Variants in LRRFIP1 observed in about 807,000 individuals in gnomAD.
LRRFIP1 encodes LRR binding FLII interacting protein 1.
Under a neutral mutation model 104.4 loss-of-function variants are expected in LRRFIP1, and 62 were observed. The ratio of observed to expected loss-of-function variants is 0.59; its 90% CI spans 0.48 to 0.73. The LOEUF is 0.73. Among genes scored for constraint, LRRFIP1 ranks in the 30% least tolerant of loss-of-function variants. LRRFIP1 has a pLI of 0.00. For missense variants in LRRFIP1, 796 were observed against 824.5 expected, an observed-to-expected ratio of 0.97 and a Z score of 0.42; for synonymous variants, 300 against 299.0, an observed-to-expected ratio of 1.00 and a Z score of -0.03.
chr2:237,749,061 C>A, intron 12 of LRRFIP1, 138 bp from the exon 13 acceptor site: 1 of 807,864 alleles, frequency 1.2e-6, no homozygotes, highest in Non-Finnish European at 1.9e-6. Flanking sequence ...ATGGGGGAAA[C>A]TGCCCCCGTG....
Position 237,691,695 on chromosome 2 carries a change from C to T in LRRFIP1, c.97-16849C>T, listed in dbSNP as rs557211185. Among the ~76,000 whole-genome samples the T allele has an allele frequency of 2.0e-5, 3 of 152,036 alleles. No individual in the cohort carries two copies. Among genetic ancestry groups the T allele is most frequent in the South Asian group, 2.1e-4 (1 of 4,828 alleles). ...GCCCAGCCCCGGGCAGGTCCCCCCC[C>T]GGAGGGGACCCCCTCTTCGGGTCGA... On this transcript the variant is annotated intron_variant, in intron 1 of 23. Coordinates refer to ENST00000308482, the MANE Select transcript of LRRFIP1 (RefSeq NM_001137550.2). This position sits in a 1 kb window ranked among gnomAD's most constrained non-coding sequence, Gnocchi z 5.4.
At chr2:237,689,051 G>C (rs1475547708) in intron 1 of LRRFIP1, among the ~76,000 whole-genome samples, 1 of 130,562 alleles carries the variant, frequency 7.7e-6, no homozygotes. Flanking sequence ...GCTCTACGTT[G>C]AAAAAAAAAA....
At chr2:237,741,163 G>A (rs2095405282) in intron 11 of LRRFIP1, among the ~76,000 whole-genome samples, 1 of 152,222 alleles carries the variant, frequency 6.6e-6, no homozygotes, top group African/African-American at 2.4e-5. Context: ...GCAAACTCCA[G>A]GGGCACACCG....
At chr2:237,681,729 G>GAGTGC (rs1215227182) in intron 1 of LRRFIP1, among the ~76,000 whole-genome samples, 1 of 111,254 alleles carries the variant, frequency 9.0e-6, no homozygotes, top group Non-Finnish European at 1.8e-5. Context: ...GCCCAGGCTG[G>GAGTGC]AGTGCAGTGG....
Position 237,661,966 on chromosome 2 carries a change from G to T in LRRFIP1, c.96+34226G>T, listed in dbSNP as rs2088072587. 6.6e-6 allele frequency among the ~76,000 whole-genome samples: 1 copy of T among 152,226 alleles called. No individual in the cohort carries two copies. The highest frequency in any genetic ancestry group is 2.1e-4 in the South Asian group (1 of 4,834). ...CATGACAGCATGCAGGTGTTGGTCT[G>T]TAGGGATGCCATAACAAAGTGCCAC... On this transcript the variant is annotated intron_variant, in intron 1 of 23. Transcript: ENST00000308482. This position sits in a 1 kb window ranked among gnomAD's most constrained non-coding sequence, Gnocchi z 4.4.
At chr2:237,752,342 G>T (rs556787424) in intron 14 of LRRFIP1, among the ~76,000 whole-genome samples, 1 of 152,214 alleles carries the variant, frequency 6.6e-6, no homozygotes, top group African/African-American at 2.4e-5. Context: ...GCAGGTGGAG[G>T]CTGCAGTGAG....
intron 13 of LRRFIP1, 38 bp downstream of exon 13, chr2:237,749,362 C>T (rs753706709): frequency 6.2e-7 from 1 of 1,605,456 alleles, no homozygotes; most frequent in Non-Finnish European, 8.5e-7. Flanking sequence ...TTGAGAGAAC[C>T]TTTTGTAAAA....
intron 20 of LRRFIP1, 86 bp downstream of exon 20, chr2:237,770,078 A>T: frequency 1.9e-6 from 2 of 1,063,142 alleles, no homozygotes; most frequent in Non-Finnish European, 2.8e-6. Context: ...TACTCAGAAA[A>T]CCCCTAAGTT....
rs1239001554 is a variant in LRRFIP1 at position 237,772,871 on chromosome 2, G to A, written c.1633G>A (p.Ala545Thr). Residue 545 changes from alanine to threonine, a missense_variant, in exon 22 of 24, where the codon GCC (alanine) becomes ACC (threonine). Ala to Thr is a moderately conservative substitution (Grantham distance 58). Coordinates refer to ENST00000308482, the MANE Select transcript of LRRFIP1 (RefSeq NM_001137550.2). ...DMHVMDLQRD[A>T]NRQISDLKFK... Reference sequence around the variant, plus strand: ...CCTTCTCTTTCAACCTTTAGGGGATGCCAACAGACAGATCAGCGACCTCAA... The same window carrying A: ...CCTTCTCTTTCAACCTTTAGGGGATACCAACAGACAGATCAGCGACCTCAA... 1 of 1,612,644 alleles carries A rather than the reference G, an allele frequency of 6.2e-7. No homozygotes were observed. The highest frequency in any genetic ancestry group is 2.2e-5 in the East Asian group (1 of 44,884).
At chr2:237,662,427 C>T (rs1171379846) in intron 1 of LRRFIP1, among the ~76,000 whole-genome samples, 2 of 152,232 alleles carry the variant, frequency 1.3e-5, no homozygotes, top group African/African-American at 2.4e-5. Flanking sequence ...CTCACCATCA[C>T]GTATATGATT....
At chr2:237,636,148 C>A (rs1247289810) in intron 1 of LRRFIP1, among the ~76,000 whole-genome samples, 2 of 151,080 alleles carry the variant, frequency 1.3e-5, no homozygotes, top group Non-Finnish European at 3.0e-5. Context: ...CTTTTAGGAT[C>A]TTCTCTTTAT....
intron 1 of LRRFIP1, among the ~76,000 whole-genome samples, chr2:237,708,145 A>T (rs2093904950): frequency 6.6e-6 from 1 of 152,220 alleles, no homozygotes; most frequent in Non-Finnish European, 1.5e-5. Flanking sequence ...CATCTGTCAG[A>T]GCTCCAGAAG....
At chr2:237,741,992 A>G (rs2057153378) in intron 11 of LRRFIP1, among the ~76,000 whole-genome samples, 1 of 152,170 alleles carries the variant, frequency 6.6e-6, no homozygotes, top group Non-Finnish European at 1.5e-5. Context: ...TTTGTTAAGC[A>G]TTGTCTTTAT....
chr2:237,648,332 G>T (rs897528776), intron 1 of LRRFIP1, among the ~76,000 whole-genome samples: 4 of 151,824 alleles, frequency 2.6e-5, no homozygotes, highest in Admixed American at 6.6e-5. Flanking sequence ...CCCTAATGCT[G>T]CTCTTTCCCT....
At chr2:237,687,161 C>A (rs954810296) in intron 1 of LRRFIP1, among the ~76,000 whole-genome samples, 2 of 152,208 alleles carry the variant, frequency 1.3e-5, no homozygotes, top group Non-Finnish European at 2.9e-5. Flanking sequence ...CTTCGCTCTT[C>A]CAATGTGCAT....
intron 13 of LRRFIP1, among the ~76,000 whole-genome samples, 154 bp downstream of exon 13, chr2:237,749,478 T>C (rs558818081): frequency 1.3e-5 from 2 of 152,226 alleles, no homozygotes; most frequent in South Asian, 4.1e-4. Flanking sequence ...TCTCCTAACA[T>C]CAAGACCCAG....
At chr2:237,740,453 C>T (rs561587494) in intron 11 of LRRFIP1, among the ~76,000 whole-genome samples, 9 of 151,986 alleles carry the variant, frequency 5.9e-5, no homozygotes, top group East Asian at 1.9e-4. Context: ...TCCCAGCCAT[C>T]GAGAAGTTAA....
intron 5 of LRRFIP1, 143 bp downstream of exon 5, chr2:237,719,710 G>C: frequency 1.8e-6 from 1 of 555,914 alleles, no homozygotes. Flanking sequence ...ATTAATGATA[G>C]AATACTGATA....
intron 1 of LRRFIP1, among the ~76,000 whole-genome samples, chr2:237,685,800 T>C (rs1013882283): frequency 6.6e-6 from 1 of 152,154 alleles, no homozygotes; most frequent in African/African-American, 2.4e-5. Flanking sequence ...CGACAAACCA[T>C]GAATAAATCT....
Sources: gnomAD v4.1 joint callset for allele counts (sites outside exome capture counted in the v4.1 genomes callset) on GRCh38, gnomAD v4.1.1 for gene constraint, Gnocchi (gnomAD v3.1) non-coding constraint, MANE v1.5 for transcripts, NCBI Gene and HGNC (gene_info 2026-07-23, HGNC 2026-07-21) for gene names.